Variants in SOX5 observed in about 807,000 individuals in gnomAD.
SOX5 encodes the protein transcription factor SOX-5.
A neutral mutation model predicts 92.0 loss-of-function variants in SOX5; 9 were observed. The observed-to-expected ratio is 0.10, with a 90% confidence interval of 0.06 to 0.17. The LOEUF is 0.17. SOX5 is among the 10% of genes least tolerant of loss of function. SOX5 has a pLI of 1.00. For missense variants in SOX5, 642 were observed against 944.5 expected (o/e 0.68, Z 4.20); for synonymous variants, 344 against 336.3 (o/e 1.02, Z -0.25).
At chr12:24,515,314 A>G (rs1412132671) in intron 1 of SOX5, among the ~76,000 whole-genome samples, 2 of 152,238 alleles carry the variant, frequency 1.3e-5, no homozygotes, top group East Asian at 3.8e-4. Context: ...TTGGGTTACT[A>G]TGAGAATTAA....
At chr12:23,709,520 C>G (rs1177879203) in intron 6 of SOX5, among the ~76,000 whole-genome samples, 2 of 152,142 alleles carry the variant, frequency 1.3e-5, no homozygotes, top group African/African-American at 4.8e-5. Flanking sequence ...TCTCACAATT[C>G]AGATGTATTA....
chr12:23,726,923 C>A (rs2093166711), intron 6 of SOX5, among the ~76,000 whole-genome samples: 1 of 152,026 alleles, frequency 6.6e-6, no homozygotes, highest in African/African-American at 2.4e-5. Context: ...TTCTTTAGAC[C>A]ACAGCAACGC....
At chr12:23,876,413 A>T (rs1330147103) in intron 2 of SOX5, among the ~76,000 whole-genome samples, 1 of 152,272 alleles carries the variant, frequency 6.6e-6, no homozygotes, top group Admixed American at 6.5e-5. Flanking sequence ...AATGCAAATC[A>T]AAACCACAAT....
At chr12:24,407,552 G>C (rs1016236950) in intron 1 of SOX5, 3 of 152,144 alleles carry the variant, frequency 2.0e-5, no homozygotes, top group East Asian at 3.8e-4. Flanking sequence ...CTACACCTTG[G>C]ACCGTTTAAA....
intron 6 of SOX5, among the ~76,000 whole-genome samples, chr12:23,702,596 T>C (rs77152162): frequency 0.029 from 4,416 of 152,130 alleles, 223 homozygotes; most frequent in African/African-American, 0.1. Flanking sequence ...ATTGATTCTG[T>C]TTCTTGAAAT....
chr12:24,142,895 G>C (rs970664647), intron 4 of SOX5, among the ~76,000 whole-genome samples: 2 of 150,888 alleles, frequency 1.3e-5, no homozygotes, highest in Non-Finnish European at 2.9e-5. Context: ...GAGATGCGTA[G>C]AGGGCCCTCC....
intron 6 of SOX5, among the ~76,000 whole-genome samples, chr12:23,690,863 T>G (rs1042275138): frequency 6.6e-6 from 1 of 152,200 alleles, no homozygotes; most frequent in African/African-American, 2.4e-5. Context: ...ATTAGCTCAC[T>G]CCACTTATCT....
chr12:24,113,854 A>G (rs1947661351), intron 4 of SOX5, among the ~76,000 whole-genome samples: 1 of 152,212 alleles, frequency 6.6e-6, no homozygotes, highest in Admixed American at 6.5e-5. Flanking sequence ...GGAGGCCACA[A>G]AGGAAATCCT....
At chr12:24,201,059 T>C (rs971085641) in intron 4 of SOX5, among the ~76,000 whole-genome samples, 2 of 152,090 alleles carry the variant, frequency 1.3e-5, no homozygotes, top group Non-Finnish European at 1.5e-5. Context: ...ACATGGTCAA[T>C]AGGAAAACCA....
At chr12:23,971,667 T>C (rs1454685394) in intron 4 of SOX5, among the ~76,000 whole-genome samples, 1 of 151,922 alleles carries the variant, frequency 6.6e-6, no homozygotes, top group Admixed American at 6.6e-5. Context: ...TAAAAAATAA[T>C]TATTTTGAAG....
intron 9 of SOX5, among the ~76,000 whole-genome samples, chr12:23,588,742 C>CACATATGT (rs1342763598): frequency 6.6e-6 from 1 of 151,728 alleles, no homozygotes; most frequent in African/African-American, 2.4e-5. Context: ...CACACACACA[C>CACATATGT]ACACACACAT....
At chr12:24,415,733 C>T (rs192429597) in intron 1 of SOX5, among the ~76,000 whole-genome samples, 9 of 152,232 alleles carry the variant, frequency 5.9e-5, no homozygotes, top group African/African-American at 1.9e-4. Flanking sequence ...AGTATGAAGT[C>T]AAATAAAATA....
chr12:24,257,389 T>A (rs1280705306), intron 3 of SOX5, among the ~76,000 whole-genome samples: 4 of 152,198 alleles, frequency 2.6e-5, no homozygotes, highest in Non-Finnish European at 5.9e-5. Flanking sequence ...CACAAAATTG[T>A]TCCAGGTGAT....
At chr12:24,354,401 T>C (rs11047387) in intron 2 of SOX5, among the ~76,000 whole-genome samples, 9,135 of 152,324 alleles carry the variant, frequency 0.06, 398 homozygotes, top group Non-Finnish European at 0.087. Context: ...AGGGAGATCA[T>C]ATGGGGCCTT....
intron 4 of SOX5, among the ~76,000 whole-genome samples, chr12:24,133,657 CA>C (rs1949858749): frequency 6.6e-6 from 1 of 152,030 alleles, no homozygotes; most frequent in Non-Finnish European, 1.5e-5. Context: ...AGCACAAGAA[CA>C]AAAACTGTTT....
At chr12:24,339,799 C>T (rs1241693860) in intron 2 of SOX5, among the ~76,000 whole-genome samples, 2 of 152,322 alleles carry the variant, frequency 1.3e-5, no homozygotes, top group African/African-American at 4.8e-5. Context: ...AGTTCCCCTT[C>T]AGGAACCAGA....
At chr12:23,613,246 G>C (rs1258449288) in intron 8 of SOX5, among the ~76,000 whole-genome samples, 1 of 151,542 alleles carries the variant, frequency 6.6e-6, no homozygotes, top group African/African-American at 2.4e-5. Context: ...CTCCCGTCTT[G>C]ACAAACCTAT....
intron 1 of SOX5, among the ~76,000 whole-genome samples, chr12:23,931,320 C>A (rs1176411827): frequency 3.3e-5 from 5 of 151,688 alleles, no homozygotes; most frequent in African/African-American, 7.3e-5. Flanking sequence ...AACAAAAAAA[C>A]CATTTTACAT....
intron 4 of SOX5, among the ~76,000 whole-genome samples, chr12:24,154,057 C>G (rs1211689325): frequency 6.6e-6 from 1 of 152,120 alleles, no homozygotes; most frequent in Non-Finnish European, 1.5e-5. Flanking sequence ...AGCACCACCT[C>G]CAATGTAATG....
Sources: gnomAD v4.1 joint callset for allele counts (sites outside exome capture counted in the v4.1 genomes callset) on GRCh38, gnomAD v4.1.1 for gene constraint, MANE v1.5 for transcripts, NCBI Gene and HGNC (gene_info 2026-07-23, HGNC 2026-07-21) for gene names.